SPATS2L: variants seen among roughly 807,000 people sequenced by gnomAD.
The protein encoded by SPATS2L is spermatogenesis associated serine rich 2 like.
A neutral mutation model predicts 59.6 loss-of-function variants in SPATS2L; 30 were observed. The observed-to-expected ratio is 0.50, with a 90% confidence interval of 0.38 to 0.68. SPATS2L has a LOEUF of 0.68. Among genes scored for constraint, SPATS2L ranks in the 30% least tolerant of loss-of-function variants. The probability of loss-of-function intolerance (pLI) is 0.00; values close to 1 mark genes in which losing one functional copy is unlikely to be tolerated. For missense variants in SPATS2L, 615 were observed against 700.0 expected (o/e 0.88, Z 1.37); for synonymous variants, 252 against 263.5 (o/e 0.96, Z 0.42).
At chr2:200,466,454 T>C (rs2086609395) in intron 9 of SPATS2L, among the ~76,000 whole-genome samples, 1 of 152,346 alleles carries the variant, frequency 6.6e-6, no homozygotes, top group Non-Finnish European at 1.5e-5. Flanking sequence ...AGCGCCATAA[T>C]CTTTTGGGAA....
At chr2:200,427,208 G>T (rs1426033013) in intron 6 of SPATS2L, among the ~76,000 whole-genome samples, 1 of 151,964 alleles carries the variant, frequency 6.6e-6, no homozygotes, top group Non-Finnish European at 1.5e-5. Context: ...TAAGATTTTT[G>T]AACAAAGATT....
At chr2:200,315,458 A>G (rs1297676565) in intron 1 of SPATS2L, among the ~76,000 whole-genome samples, 3 of 152,138 alleles carry the variant, frequency 2.0e-5, no homozygotes, top group Non-Finnish European at 4.4e-5. Flanking sequence ...GAAGCCTCCT[A>G]TTTGTGAGGC....
chr2:200,324,321 A>C lies in SPATS2L; in HGVS notation c.-72-5110A>C, dbSNP rs193191043. Among the ~76,000 whole-genome samples, 543 of 152,244 alleles carry C rather than the reference A, an allele frequency of 3.6e-3. 2 individuals carry two copies. Among genetic ancestry groups the C allele is most frequent in the African/African-American group, 0.012 (518 of 41,532 alleles). On this transcript the variant is annotated intron_variant, in intron 1 of 12. Transcript: ENST00000409140. ...GTGTGAGCTAAGTGCTGGACATTTT[A>C]GACAAACCTCTGTGACTGCTTTGCA...
intron 3 of SPATS2L, among the ~76,000 whole-genome samples, chr2:200,394,063 T>C (rs565799093): frequency 6.6e-6 from 1 of 152,218 alleles, no homozygotes; most frequent in African/African-American, 2.4e-5. Flanking sequence ...TCAAGACAAC[T>C]GAAACTTAAA....
intron 2 of SPATS2L, among the ~76,000 whole-genome samples, chr2:200,354,304 G>A (rs1175808746): frequency 6.6e-6 from 1 of 152,160 alleles, no homozygotes. Flanking sequence ...AGTGTAGCCA[G>A]CCCTAGTAAA....
intron 2 of SPATS2L, chr2:200,383,944 G>A: frequency 1.0e-6 from 1 of 1,002,090 alleles, no homozygotes; most frequent in Non-Finnish European, 1.2e-6. Context: ...AAACGAAAGT[G>A]AAACTTTATT....
At chr2:200,353,142 C>T (rs1004663716) in intron 2 of SPATS2L, among the ~76,000 whole-genome samples, 3 of 152,108 alleles carry the variant, frequency 2.0e-5, no homozygotes, top group Admixed American at 2.0e-4. Context: ...TCAAAAATAC[C>T]TTGATTTTAG....
chr2:200,386,927 A>G (rs550668767), intron 2 of SPATS2L, among the ~76,000 whole-genome samples: 1 of 152,294 alleles, frequency 6.6e-6, no homozygotes, highest in East Asian at 1.9e-4. Flanking sequence ...CTTTCATTTG[A>G]ATAAGAAAAT....
intron 8 of SPATS2L, among the ~76,000 whole-genome samples, chr2:200,452,333 G>T (rs1416554465): frequency 6.6e-6 from 1 of 152,126 alleles, no homozygotes; most frequent in Non-Finnish European, 1.5e-5. Flanking sequence ...CATACTATGG[G>T]ATTATGCTAT....
chr2:200,339,989 C>G (rs937394162), intron 2 of SPATS2L, among the ~76,000 whole-genome samples: 1 of 152,152 alleles, frequency 6.6e-6, no homozygotes, highest in African/African-American at 2.4e-5. Flanking sequence ...CTGCAATTGA[C>G]TTTTCAGCTC....
chr2:200,396,011 GAAAAAAAAA>G (rs1218853084), intron 3 of SPATS2L, among the ~76,000 whole-genome samples: 155 of 10,592 alleles, frequency 0.015, 5 homozygotes, highest in Non-Finnish European at 0.017. Context: ...ACTCGATCTG[GAAAAAAAAA>G]AAAAAAAAAA....
intron 8 of SPATS2L, among the ~76,000 whole-genome samples, chr2:200,441,093 C>T (rs2084667015): frequency 6.6e-6 from 1 of 151,886 alleles, no homozygotes; most frequent in South Asian, 2.1e-4. Flanking sequence ...TTGACAAATC[C>T]CTGGAAGGCT....
chr2:200,388,279 A>G (rs2082056145), intron 2 of SPATS2L, among the ~76,000 whole-genome samples: 1 of 152,048 alleles, frequency 6.6e-6, no homozygotes, highest in South Asian at 2.1e-4. Flanking sequence ...AGCTAAGATA[A>G]AGACTGCAGA....
At chr2:200,438,713 G>C (rs2084474300) in intron 6 of SPATS2L, among the ~76,000 whole-genome samples, 1 of 152,138 alleles carries the variant, frequency 6.6e-6, no homozygotes, top group Non-Finnish European at 1.5e-5. Context: ...CTTGGAGATA[G>C]GAGGGCTACA....
At chr2:200,433,110 T>C (rs1475651490) in intron 6 of SPATS2L, among the ~76,000 whole-genome samples, 1 of 152,186 alleles carries the variant, frequency 6.6e-6, no homozygotes, top group Non-Finnish European at 1.5e-5. Flanking sequence ...CATAGTAATA[T>C]GTTGTTTGAT....
At chr2:200,355,237 T>G (rs1489422095) in intron 2 of SPATS2L, among the ~76,000 whole-genome samples, 1 of 152,194 alleles carries the variant, frequency 6.6e-6, no homozygotes, top group Non-Finnish European at 1.5e-5. Flanking sequence ...TCGTGGTTTC[T>G]GGAATGGAAG....
At chr2:200,314,911 A>G (rs1377981871) in intron 1 of SPATS2L, among the ~76,000 whole-genome samples, 1 of 152,264 alleles carries the variant, frequency 6.6e-6, no homozygotes, top group Admixed American at 6.5e-5. Context: ...GTTTTGATAT[A>G]GTAGGTTAAA....
At chr2:200,470,146 T>A in intron 11 of SPATS2L, 130 bp downstream of exon 11, 1 of 661,896 alleles carries the variant, frequency 1.5e-6, no homozygotes, top group Non-Finnish European at 2.6e-6. Flanking sequence ...TTTAATGATC[T>A]AAGCTCATGA....
chr2:200,353,740 T>A (rs979585172), intron 2 of SPATS2L, among the ~76,000 whole-genome samples: 7 of 152,154 alleles, frequency 4.6e-5, no homozygotes, highest in Admixed American at 3.9e-4. Context: ...GAACACATAA[T>A]CAACTCTTAC....
Sources: gnomAD v4.1 joint callset for allele counts (sites outside exome capture counted in the v4.1 genomes callset) on GRCh38, gnomAD v4.1.1 for gene constraint, MANE v1.5 for transcripts, NCBI Gene and HGNC (gene_info 2026-07-23, HGNC 2026-07-21) for gene names.